Variants in SYT1 observed in about 807,000 individuals in gnomAD.
SYT1 encodes synaptotagmin-1.
In SYT1, 8 loss-of-function variants were observed where a neutral mutation model predicts 44.8. The ratio of observed to expected loss-of-function variants is 0.18; its 90% confidence interval spans 0.10 to 0.32. The LOEUF is 0.32. SYT1 is among the 10% of genes least tolerant of loss of function. The pLI is 1.00. For synonymous variants in SYT1, 154 were observed against 188.8 expected, an observed-to-expected ratio of 0.82 and a Z score of 1.51; for missense variants, 286 against 509.3, an observed-to-expected ratio of 0.56 and a Z score of 4.22.
intron 3 of SYT1, among the ~76,000 whole-genome samples, chr12:79,204,528 T>G (rs1342725443): frequency 6.6e-6 from 1 of 152,314 alleles, no homozygotes; most frequent in South Asian, 2.1e-4. Context: ...TAAAAAACAC[T>G]GAGAGCCGAT....
chr12:79,133,416 A>C (rs1388022506), intron 3 of SYT1, among the ~76,000 whole-genome samples: 2 of 152,132 alleles, frequency 1.3e-5, no homozygotes, highest in Admixed American at 6.6e-5. Flanking sequence ...GAAGATTTAA[A>C]ATGCAAAGAA....
chr12:79,126,815 A>G (rs1420680787), intron 3 of SYT1, among the ~76,000 whole-genome samples: 1 of 152,182 alleles, frequency 6.6e-6, no homozygotes, highest in Non-Finnish European at 1.5e-5. Flanking sequence ...CAAGATTGAA[A>G]TTAGGGTAGG....
chr12:79,445,431 A>T (rs909257136), intron 10 of SYT1, among the ~76,000 whole-genome samples: 1 of 152,028 alleles, frequency 6.6e-6, no homozygotes, highest in African/African-American at 2.4e-5. Context: ...CTGTGATTTT[A>T]TATCCTTAAA....
At chr12:79,293,588 A>G (rs1879740993) in intron 6 of SYT1, among the ~76,000 whole-genome samples, 1 of 152,108 alleles carries the variant, frequency 6.6e-6, no homozygotes, top group Non-Finnish European at 1.5e-5. Context: ...CAATAAATAA[A>G]TGAAACACTA....
chr12:79,364,610 T>C (rs2136033249), intron 9 of SYT1, among the ~76,000 whole-genome samples: 1 of 152,300 alleles, frequency 6.6e-6, no homozygotes, highest in East Asian at 1.9e-4. Flanking sequence ...AATGATTTTA[T>C]TTAACTTAAA....
intron 8 of SYT1, among the ~76,000 whole-genome samples, chr12:79,321,662 T>C (rs994293350): frequency 6.6e-6 from 1 of 152,206 alleles, no homozygotes; most frequent in Non-Finnish European, 1.5e-5. Flanking sequence ...AGGGCTGCTG[T>C]TCAGGGCACT....
At chr12:79,365,411 A>G (rs111372513) in intron 9 of SYT1, among the ~76,000 whole-genome samples, 1 of 152,184 alleles carries the variant, frequency 6.6e-6, no homozygotes, top group Non-Finnish European at 1.5e-5. Flanking sequence ...AAAGACTTCA[A>G]ATGAGACCTA....
At chr12:79,153,415 A>G (rs752804213) in intron 3 of SYT1, among the ~76,000 whole-genome samples, 6 of 152,140 alleles carry the variant, frequency 3.9e-5, no homozygotes, top group Non-Finnish European at 8.8e-5. Context: ...ACTACCTAAA[A>G]GAAAAATCGA....
chr12:79,043,883 T>G (rs560467684), intron 2 of SYT1, among the ~76,000 whole-genome samples: 20 of 152,350 alleles, frequency 1.3e-4, no homozygotes, highest in African/African-American at 3.1e-4. Context: ...CCTTCGCTTA[T>G]GAAGTTTAGT....
intron 8 of SYT1, among the ~76,000 whole-genome samples, chr12:79,318,253 CT>C (rs927506302): frequency 3.0e-4 from 45 of 152,256 alleles, no homozygotes; most frequent in Middle Eastern, 6.8e-3. Context: ...TCCGGAGGGC[CT>C]GTTTAATAGT....
chr12:79,008,128 T>G (rs1437008781), intron 2 of SYT1, among the ~76,000 whole-genome samples: 2 of 151,926 alleles, frequency 1.3e-5, no homozygotes, highest in Non-Finnish European at 2.9e-5. Context: ...GAAGGTCCAT[T>G]TGTATAGCAT....
At chr12:79,141,755 T>C (rs117438416) in intron 3 of SYT1, among the ~76,000 whole-genome samples, 36 of 152,328 alleles carry the variant, frequency 2.4e-4, no homozygotes, top group Middle Eastern at 3.4e-3. Context: ...ATTTGAGCCT[T>C]GTGTATGATA....
At chr12:79,147,336 G>A (rs1214716826) in intron 3 of SYT1, among the ~76,000 whole-genome samples, 3 of 152,014 alleles carry the variant, frequency 2.0e-5, no homozygotes, top group African/African-American at 7.3e-5. Flanking sequence ...GGAAAGACAG[G>A]CCTTTAGAAA....
chr12:79,162,425 C>T lies in SYT1; in HGVS notation c.-17-55078C>T, dbSNP rs144344186. Among the ~76,000 whole-genome samples, 437 of 152,216 alleles carry T rather than the reference C, an allele frequency of 2.9e-3. 1 individual carries two copies. Among genetic ancestry groups the T allele is most frequent in the African/African-American group, 9.2e-3 (382 of 41,560 alleles). On this transcript the variant is annotated intron_variant, in intron 3 of 10. Coordinates refer to ENST00000261205, the MANE Select transcript of SYT1 (RefSeq NM_005639.3). ...AATTTAATATTTCCAATTCCTTCAA[C>T]GGTTTATGTTGCTTGATTTACAAAA...
intron 1 of SYT1, among the ~76,000 whole-genome samples, chr12:78,918,480 C>T (rs1432083653): frequency 1.3e-5 from 2 of 152,178 alleles, no homozygotes; most frequent in East Asian, 3.9e-4. Flanking sequence ...AGGAGGGCTG[C>T]CCTGTGGGTA....
At chr12:79,025,707 G>A (rs1872486793) in intron 2 of SYT1, among the ~76,000 whole-genome samples, 1 of 151,260 alleles carries the variant, frequency 6.6e-6, no homozygotes, top group Non-Finnish European at 1.5e-5. Flanking sequence ...TTGTTCTTCA[G>A]TACTTGTAAT....
chr12:79,075,711 A>G (rs1565794477), intron 3 of SYT1, among the ~76,000 whole-genome samples: 2 of 152,156 alleles, frequency 1.3e-5, no homozygotes, highest in Admixed American at 1.3e-4. Context: ...CACATTTAGC[A>G]GATGCCCTTC....
intron 4 of SYT1, among the ~76,000 whole-genome samples, chr12:79,256,131 G>A (rs1262351595): frequency 2.6e-5 from 4 of 152,290 alleles, no homozygotes; most frequent in Admixed American, 2.6e-4. Flanking sequence ...TGAAAGCATG[G>A]ATTTCAGTTA....
chr12:79,230,978 C>T (rs1018607030), intron 4 of SYT1, among the ~76,000 whole-genome samples: 6 of 152,160 alleles, frequency 3.9e-5, no homozygotes, highest in Non-Finnish European at 8.8e-5. Flanking sequence ...TACCACGTAG[C>T]AAACCACAGA....
Sources: allele counts gnomAD v4.1 joint callset (sites outside exome capture counted in the v4.1 genomes callset), GRCh38; gene constraint gnomAD v4.1.1; transcripts MANE v1.5; gene names NCBI Gene and HGNC (gene_info 2026-07-23, HGNC 2026-07-21).